CALN1: variants seen among roughly 807,000 people sequenced by gnomAD.
The protein encoded by CALN1 is calneuron 1, also known as calcium-binding protein 8.
A neutral mutation model predicts 30.6 loss-of-function variants in CALN1; 17 were observed. The observed-to-expected ratio is 0.56, with a 90% CI of 0.38 to 0.83. CALN1 has a LOEUF of 0.83. Ranked by LOEUF, CALN1 falls within the 40% of genes least tolerant of loss-of-function variation. The probability of loss-of-function intolerance (pLI) is 0.00; values close to 1 mark genes in which losing one functional copy is unlikely to be tolerated. For synonymous variants in CALN1, 156 were observed against 131.4 expected (o/e 1.19, Z -1.28); for missense variants, 291 against 354.9 (o/e 0.82, Z 1.45).
chr7:72,488,403 G>C, the CALN1 span, among the ~76,000 whole-genome samples: 1 of 151,990 alleles, frequency 6.6e-6, no homozygotes, highest in Admixed American at 6.6e-5. Context: ...ATAAGAATAA[G>C]TTTTAAAAAG....
chr7:71,819,835 C>T (rs185801907), intron 5 of CALN1, among the ~76,000 whole-genome samples: 3 of 152,258 alleles, frequency 2.0e-5, no homozygotes, highest in Non-Finnish European at 4.4e-5. Context: ...GAATTCCCTT[C>T]CTTTTTAAGG....
At chr7:72,459,625 CAA>C in the CALN1 span, among the ~76,000 whole-genome samples, 5 of 44,442 alleles carry the variant, frequency 1.1e-4, no homozygotes, top group Non-Finnish European at 2.5e-4. Context: ...AACCCTGTCT[CAA>C]AAAAAAAAAA....
chr7:72,088,786 G>A (rs1239909915), intron 4 of CALN1, among the ~76,000 whole-genome samples: 1 of 151,230 alleles, frequency 6.6e-6, no homozygotes, highest in Non-Finnish European at 1.5e-5. Context: ...AGAAGGAAGG[G>A]AAGGAAGGAA....
At chr7:71,872,192 A>G (rs1791976375) in intron 5 of CALN1, among the ~76,000 whole-genome samples, 2 of 152,170 alleles carry the variant, frequency 1.3e-5, no homozygotes, top group Non-Finnish European at 2.9e-5. Context: ...CTTCCTGAAA[A>G]TAATACCCCT....
the CALN1 span, among the ~76,000 whole-genome samples, chr7:72,452,675 G>A: frequency 6.6e-6 from 1 of 152,116 alleles, no homozygotes; most frequent in Admixed American, 6.6e-5. Flanking sequence ...CTCCTTTATA[G>A]CAGTGCAAAA....
chr7:72,342,086 TCTC>T (rs1802412486), intron 2 of CALN1, among the ~76,000 whole-genome samples: 1 of 151,776 alleles, frequency 6.6e-6, no homozygotes, highest in Non-Finnish European at 1.5e-5. Context: ...GGAGACCCCA[TCTC>T]TACAAAAAAT....
intron 2 of CALN1, among the ~76,000 whole-genome samples, chr7:72,360,342 T>C (rs910040172): frequency 6.6e-6 from 1 of 152,030 alleles, no homozygotes; most frequent in African/African-American, 2.4e-5. Context: ...CAAGAGAGAG[T>C]AGAGAAAAGG....
chr7:72,028,077 A>C (rs1442729253), intron 4 of CALN1, among the ~76,000 whole-genome samples: 6 of 140,512 alleles, frequency 4.3e-5, no homozygotes, highest in Non-Finnish European at 7.6e-5. Context: ...AAAAAAAAAA[A>C]AAAAAAAACA....
intron 2 of CALN1, among the ~76,000 whole-genome samples, chr7:72,373,031 CAG>C (rs1012319120): frequency 3.3e-5 from 5 of 152,078 alleles, no homozygotes; most frequent in South Asian, 4.1e-4. Context: ...AACAGGAAAA[CAG>C]AAAGTCTCAG....
At chr7:72,463,420 A>T in the CALN1 span, among the ~76,000 whole-genome samples, 2 of 151,990 alleles carry the variant, frequency 1.3e-5, no homozygotes, top group African/African-American at 4.8e-5. Flanking sequence ...TGGGATTATA[A>T]GCATCAACCA....
At chr7:71,921,081 C>T (rs1035922040) in intron 5 of CALN1, among the ~76,000 whole-genome samples, 2 of 152,148 alleles carry the variant, frequency 1.3e-5, no homozygotes, top group African/African-American at 2.4e-5. Flanking sequence ...TGGAAACCAT[C>T]GTTCTAGCAA....
At chr7:71,990,201 C>G (rs1313932077) in intron 5 of CALN1, among the ~76,000 whole-genome samples, 2 of 152,124 alleles carry the variant, frequency 1.3e-5, no homozygotes, top group Non-Finnish European at 2.9e-5. Context: ...GTCCTCACTG[C>G]TCATCATATG....
At chr7:72,201,286 G>A (rs1791395924) in intron 3 of CALN1, among the ~76,000 whole-genome samples, 1 of 152,098 alleles carries the variant, frequency 6.6e-6, no homozygotes, top group Non-Finnish European at 1.5e-5. Context: ...AGGGGTTGGG[G>A]GAAGGGTTGA....
chr7:71,801,442 ATC>A (rs1787307202), intron 6 of CALN1, among the ~76,000 whole-genome samples: 1 of 151,214 alleles, frequency 6.6e-6, no homozygotes, highest in Non-Finnish European at 1.5e-5. Context: ...CTATCTATCT[ATC>A]TATCTATCTA....
chr7:72,181,217 T>TATATATA (rs1184944061), intron 3 of CALN1, among the ~76,000 whole-genome samples: 1 of 147,692 alleles, frequency 6.8e-6, no homozygotes, highest in African/African-American at 2.5e-5. Context: ...CTTATTGGAA[T>TATATATA]ATATATAATA....
chr7:71,905,238 CTATT>C (rs954418521), intron 5 of CALN1, among the ~76,000 whole-genome samples: 18 of 152,154 alleles, frequency 1.2e-4, no homozygotes, highest in East Asian at 7.7e-4. Flanking sequence ...CGTGCCTGGC[CTATT>C]TATTTATTTT....
At chr7:71,916,411 CAG>C (rs886151264) in intron 5 of CALN1, among the ~76,000 whole-genome samples, 6 of 151,348 alleles carry the variant, frequency 4.0e-5, no homozygotes, top group African/African-American at 1.5e-4. Context: ...AAAGAGTGGG[CAG>C]AGGAGAAGAA....
Position 72,252,129 on chromosome 7 carries a change from C to T in CALN1, c.244+26557G>A, listed in dbSNP as rs115954213. Among the ~76,000 whole-genome samples, 861 of 152,204 alleles carry T rather than the reference C, an allele frequency of 5.7e-3. 8 individuals carry two copies. Among genetic ancestry groups the T allele is most frequent in the African/African-American group, 0.018 (756 of 41,534 alleles). On this transcript the variant is annotated intron_variant, in intron 3 of 6. Transcript: ENST00000395275. ...CAGCTAATAAGTATTGGACTCAACA[C>T]GTTCAATACTGAGCTCCTGGACTTT...
intron 5 of CALN1, among the ~76,000 whole-genome samples, chr7:72,020,891 G>A (rs1315781945): frequency 6.6e-6 from 1 of 152,174 alleles, no homozygotes; most frequent in Non-Finnish European, 1.5e-5. Context: ...TCATCCAGAT[G>A]AGGGCCAGAA....
Sources: allele counts gnomAD v4.1 joint callset (sites outside exome capture counted in the v4.1 genomes callset), GRCh38; gene constraint gnomAD v4.1.1; transcripts MANE v1.5; gene names NCBI Gene and HGNC (gene_info 2026-07-23, HGNC 2026-07-21).